The following NAALADL2 variants were observed in gnomAD, a reference collection of about 807,000 sequenced individuals.
NAALADL2 encodes inactive N-acetylated-alpha-linked acidic dipeptidase-like protein 2.
NAALADL2 carries 76 observed loss-of-function variants against 87.2 expected under a neutral mutation model. The ratio of observed to expected loss-of-function variants is 0.87; its 90% confidence interval spans 0.72 to 1.05. The LOEUF (loss-of-function observed/expected upper bound fraction) is 1.05, where lower values mean the gene tolerates loss of function less well. NAALADL2 is among the 50% of genes least tolerant of loss of function. The pLI, the probability that NAALADL2 is intolerant of heterozygous loss-of-function variation, is 0.00. For synonymous variants in NAALADL2, 354 were observed against 331.0 expected (o/e 1.07, Z -0.75); for missense variants, 1,089 against 945.8 (o/e 1.15, Z -1.99).
intron 2 of NAALADL2, among the ~76,000 whole-genome samples, chr3:175,225,004 A>G (rs1743951145): frequency 6.6e-6 from 1 of 152,188 alleles, no homozygotes; most frequent in African/African-American, 2.4e-5. Context: ...TTTAATTGAG[A>G]TGATTTCAGT....
intron 4 of NAALADL2, among the ~76,000 whole-genome samples, chr3:175,288,164 C>G (rs1425181014): frequency 6.6e-6 from 1 of 152,130 alleles, no homozygotes; most frequent in African/African-American, 2.4e-5. Context: ...TCACTGCAAC[C>G]TCTGCCTCCC....
rs371619631 is a variant in NAALADL2, at chr3:174,917,366, A to G, written c.43+57916A>G. 6.6e-5 allele frequency among the ~76,000 whole-genome samples: 10 copies of G among 152,294 alleles called. No homozygotes were observed. The South Asian group carries it at 2.1e-3, about 32-fold the overall frequency. Reference sequence around the variant, plus strand: ...ATTATACATTTTATGGCAAAAATGTACATTCAGAATGCTTGGTCACGACTT... The same window carrying G: ...ATTATACATTTTATGGCAAAAATGTGCATTCAGAATGCTTGGTCACGACTT... On this transcript the variant is annotated intron_variant, in intron 1 of 13. Transcript: ENST00000454872.
chr3:175,060,365 G>A (rs189000358), intron 1 of NAALADL2, among the ~76,000 whole-genome samples: 5 of 152,282 alleles, frequency 3.3e-5, no homozygotes, highest in Admixed American at 2.0e-4. Context: ...CCAAAATTGC[G>A]GTGATATGAT....
intron 9 of NAALADL2, among the ~76,000 whole-genome samples, chr3:175,528,654 G>A (rs12496467): frequency 0.014 from 2,069 of 152,138 alleles, 57 homozygotes; most frequent in Admixed American, 0.057. Context: ...CAATAATAAG[G>A]TTATAATTAT....
intron 11 of NAALADL2, among the ~76,000 whole-genome samples, chr3:175,685,103 G>C (rs1311425946): frequency 6.6e-6 from 1 of 152,114 alleles, no homozygotes; most frequent in Non-Finnish European, 1.5e-5. Context: ...AGTTCAAGGA[G>C]ATACATTTGT....
chr3:174,935,959 C>T (rs994893669), intron 1 of NAALADL2, among the ~76,000 whole-genome samples: 1 of 152,008 alleles, frequency 6.6e-6, no homozygotes, highest in Non-Finnish European at 1.5e-5. Context: ...TTTCTTTTCC[C>T]ATAATGATGT....
At chr3:175,157,226 GA>G (rs1421468834) in intron 2 of NAALADL2, among the ~76,000 whole-genome samples, 1 of 152,016 alleles carries the variant, frequency 6.6e-6, no homozygotes, top group Non-Finnish European at 1.5e-5. Flanking sequence ...ATGAGGATAG[GA>G]AAAGATTTTC....
At chr3:175,252,235 C>T (rs1182621672) in intron 3 of NAALADL2, among the ~76,000 whole-genome samples, 1 of 152,132 alleles carries the variant, frequency 6.6e-6, no homozygotes, top group African/African-American at 2.4e-5. Context: ...CTGTTGGTAC[C>T]ATTTTTTTCA....
intron 1 of NAALADL2, among the ~76,000 whole-genome samples, chr3:174,962,375 T>C (rs1266587923): frequency 2.2e-5 from 1 of 45,716 alleles, no homozygotes; most frequent in African/African-American, 1.3e-4. Flanking sequence ...CTATGACATA[T>C]ATATATATAT....
At chr3:175,218,429 G>A (rs987280605) in intron 2 of NAALADL2, among the ~76,000 whole-genome samples, 1 of 151,570 alleles carries the variant, frequency 6.6e-6, no homozygotes. Flanking sequence ...AGGTGATATT[G>A]TTCCAAAGGA....
At chr3:175,152,905 T>TC (rs2108792315) in intron 2 of NAALADL2, among the ~76,000 whole-genome samples, 1 of 151,314 alleles carries the variant, frequency 6.6e-6, no homozygotes, top group African/African-American at 2.4e-5. Context: ...AGACTCTGTC[T>TC]CAAAAAAAAG....
chr3:174,758,968 G>A (rs1193171228), intron 3 of NAALADL2, among the ~76,000 whole-genome samples: 1 of 151,994 alleles, frequency 6.6e-6, no homozygotes, highest in Non-Finnish European at 1.5e-5. Context: ...TTTTTAACAG[G>A]TTTAAGAAAA....
At chr3:175,802,648 T>A (rs1178197040) in intron 13 of NAALADL2, among the ~76,000 whole-genome samples, 5 of 116,312 alleles carry the variant, frequency 4.3e-5, no homozygotes, top group African/African-American at 2.3e-4. Flanking sequence ...CATTGTGGTA[T>A]AATTTATTTT....
chr3:174,549,208 T>C (rs1365150863), intron 1 of NAALADL2, among the ~76,000 whole-genome samples: 3 of 152,236 alleles, frequency 2.0e-5, no homozygotes, highest in Non-Finnish European at 4.4e-5. Flanking sequence ...TGGAACTGTT[T>C]TCTGACATGT....
chr3:175,398,802 T>G (rs986321225), intron 5 of NAALADL2, among the ~76,000 whole-genome samples: 2 of 152,098 alleles, frequency 1.3e-5, no homozygotes, highest in African/African-American at 2.4e-5. Context: ...GTCATTTTAT[T>G]TATTATTGTA....
intron 2 of NAALADL2, among the ~76,000 whole-genome samples, chr3:174,666,267 A>T (rs982023442): frequency 2.0e-5 from 3 of 152,202 alleles, no homozygotes; most frequent in Non-Finnish European, 1.5e-5. Flanking sequence ...CCTGTGCAGT[A>T]ATCATAAATG....
chr3:175,583,063 A>G (rs1720010278), intron 10 of NAALADL2, among the ~76,000 whole-genome samples: 1 of 152,196 alleles, frequency 6.6e-6, no homozygotes, highest in South Asian at 2.1e-4. Context: ...TCTAAAATGC[A>G]TTTAATAAAC....
chr3:175,579,259 A>G (rs1307787045), intron 10 of NAALADL2, among the ~76,000 whole-genome samples: 2 of 152,128 alleles, frequency 1.3e-5, no homozygotes, highest in Non-Finnish European at 2.9e-5. Context: ...TGGATCTATT[A>G]TATTCAATTT....
At chr3:174,867,091 G>A (rs1727239798) in intron 1 of NAALADL2, among the ~76,000 whole-genome samples, 1 of 151,710 alleles carries the variant, frequency 6.6e-6, no homozygotes, top group Non-Finnish European at 1.5e-5. Context: ...TTCTGGAAAA[G>A]GAGTCTATGT....
Sources: gnomAD v4.1 joint callset for allele counts (sites outside exome capture counted in the v4.1 genomes callset) on GRCh38, gnomAD v4.1.1 for gene constraint, MANE v1.5 for transcripts, NCBI Gene and HGNC (gene_info 2026-07-23, HGNC 2026-07-21) for gene names.